ROBO1: variants seen among roughly 807,000 people sequenced by gnomAD.
The protein encoded by ROBO1 is roundabout homolog 1.
A neutral mutation model predicts 195.9 loss-of-function variants in ROBO1; 149 were observed. The ratio of observed to expected loss-of-function variants is 0.76; its 90% confidence interval spans 0.67 to 0.87. The LOEUF (loss-of-function observed/expected upper bound fraction) is 0.87, where lower values mean the gene tolerates loss of function less well. Ranked by LOEUF, ROBO1 falls within the 40% of genes least tolerant of loss-of-function variation. ROBO1 has a pLI of 0.00. For synonymous variants in ROBO1, 816 were observed against 733.2 expected, an observed-to-expected ratio of 1.11 and a Z score of -1.82; for missense variants, 1,933 against 2,068.3, an observed-to-expected ratio of 0.93 and a Z score of 1.27.
At chr3:79,215,234 T>A (rs929691030) in intron 2 of ROBO1, among the ~76,000 whole-genome samples, 2 of 152,080 alleles carry the variant, frequency 1.3e-5, no homozygotes, top group Non-Finnish European at 2.9e-5. Context: ...TAAGTCTCAG[T>A]GTTAAATCAT....
intron 8 of ROBO1, among the ~76,000 whole-genome samples, chr3:78,707,068 C>T (rs1021817950): frequency 1.5e-4 from 23 of 152,212 alleles, no homozygotes; most frequent in Admixed American, 1.4e-3. Flanking sequence ...AAACCTCTGA[C>T]AGCTGCTTCT....
chr3:79,644,877 T>G (rs1216765086), intron 1 of ROBO1, among the ~76,000 whole-genome samples: 1 of 151,802 alleles, frequency 6.6e-6, no homozygotes, highest in Non-Finnish European at 1.5e-5. Flanking sequence ...CTGACTGTAA[T>G]GAAATAAAAC....
chr3:79,461,670 T>G (rs1443293261), intron 2 of ROBO1, among the ~76,000 whole-genome samples: 1 of 152,178 alleles, frequency 6.6e-6, no homozygotes, highest in African/African-American at 2.4e-5. Flanking sequence ...GTTTGTTGCT[T>G]TCAGTCCCTA....
chr3:79,289,381 A>T (rs1576927779), intron 2 of ROBO1, among the ~76,000 whole-genome samples: 1 of 152,278 alleles, frequency 6.6e-6, no homozygotes, highest in South Asian at 2.1e-4. Flanking sequence ...TTTATGTGTG[A>T]GAGAGAGGGA....
At chr3:78,709,737 T>C (rs1159692788) in intron 8 of ROBO1, among the ~76,000 whole-genome samples, 4 of 152,136 alleles carry the variant, frequency 2.6e-5, no homozygotes, top group East Asian at 1.9e-4. Flanking sequence ...TCATGGATAA[T>C]CTTACTAGTC....
chr3:79,463,891 A>G (rs1182693781), intron 2 of ROBO1, among the ~76,000 whole-genome samples: 2 of 152,156 alleles, frequency 1.3e-5, no homozygotes, highest in African/African-American at 4.8e-5. Context: ...TCACTTTCAC[A>G]TGCTAAAATG....
intron 8 of ROBO1, among the ~76,000 whole-genome samples, chr3:78,701,262 A>T (rs2081414099): frequency 6.6e-6 from 1 of 152,236 alleles, no homozygotes; most frequent in South Asian, 2.1e-4. Flanking sequence ...ATGAACATAG[A>T]TGCATAATTA....
chr3:79,650,545 T>C (rs1439299377), intron 1 of ROBO1, among the ~76,000 whole-genome samples: 1 of 151,762 alleles, frequency 6.6e-6, no homozygotes, highest in Non-Finnish European at 1.5e-5. Flanking sequence ...TAGATATTTT[T>C]CCAGTATAAA....
intron 3 of ROBO1, among the ~76,000 whole-genome samples, chr3:79,123,733 T>C (rs2080163715): frequency 6.6e-6 from 1 of 152,032 alleles, no homozygotes; most frequent in African/African-American, 2.4e-5. Context: ...TTAAGTTAGT[T>C]CCATTATAGA....
chr3:79,609,574 C>A (rs1216708990), intron 1 of ROBO1, among the ~76,000 whole-genome samples: 1 of 151,810 alleles, frequency 6.6e-6, no homozygotes, highest in Non-Finnish European at 1.5e-5. Context: ...CAGCATTATT[C>A]ATAATATTCA....
chr3:79,019,445 C>A, intron 3 of ROBO1: 1 of 986,298 alleles, frequency 1.0e-6, no homozygotes, highest in African/African-American at 1.7e-5. Flanking sequence ...ACGCTGCCTC[C>A]TCTCCAGCTC....
rs149897105 is a variant in ROBO1, at chr3:79,453,760, T to C, written c.88+136064A>G. On this transcript the variant is annotated intron_variant, in intron 2 of 30. Transcript: ENST00000464233. ...AGATAGTCAAAGGGCCAGGCCAGAA[T>C]AGGAAACTTGGAAAAAACACTATCC... Among the ~76,000 whole-genome samples the C allele has an allele frequency of 2.0e-5, 3 of 152,096 alleles. No homozygotes were observed. In the East Asian group the frequency reaches 5.8e-4, roughly 30 times the overall value.
intron 1 of ROBO1, among the ~76,000 whole-genome samples, chr3:79,759,069 T>C (rs775105025): frequency 6.6e-6 from 1 of 150,834 alleles, no homozygotes; most frequent in Non-Finnish European, 1.5e-5. Context: ...TCTCTTAAAT[T>C]AATACCCAAT....
Position 78,924,972 on chromosome 3 carries a change from T to G in ROBO1, c.499+13629A>C, listed in dbSNP as rs562041693. ...AAAGTAGCAATTGTTTTTAAATCTA[T>G]TATTTTTTTAATTTAATATTTTAAA... is the stretch of plus-strand genomic sequence containing the variant. On this transcript the variant is annotated intron_variant, in intron 4 of 30. Transcript: ENST00000464233. 1.1e-3 allele frequency among the ~76,000 whole-genome samples: 164 copies of G among 152,072 alleles called. 2 individuals carry two copies. The highest frequency in any genetic ancestry group is 3.8e-3 in the African/African-American group (157 of 41,570).
At chr3:78,661,717 A>G (rs969702973) in intron 15 of ROBO1, among the ~76,000 whole-genome samples, 18 of 152,224 alleles carry the variant, frequency 1.2e-4, no homozygotes, top group African/African-American at 4.3e-4. Context: ...TTCATGTAAT[A>G]ATGATCCTAT....
At chr3:78,607,327 C>T in intron 28 of ROBO1, 1 of 343,140 alleles carries the variant, frequency 2.9e-6, no homozygotes, top group Non-Finnish European at 5.4e-6. Context: ...ATCCTCCCAC[C>T]TCAGCCTCCC....
At chr3:79,361,978 G>A (rs1313984614) in intron 2 of ROBO1, among the ~76,000 whole-genome samples, 2 of 152,012 alleles carry the variant, frequency 1.3e-5, no homozygotes, top group South Asian at 2.1e-4. Flanking sequence ...GGCAAAATTA[G>A]TTATCAGCTT....
At position 78,703,945 on chromosome 3, in the gene ROBO1, T is replaced by C. The variant is rs569633670; in HGVS notation, c.1045+10452A>G. 1.7e-3 allele frequency among the ~76,000 whole-genome samples: 263 copies of C among 152,188 alleles called. 2 individuals are homozygous for C. The highest frequency in any genetic ancestry group is 6.1e-3 in the African/African-American group (254 of 41,522). On this transcript the variant is annotated intron_variant, in intron 8 of 30. Transcript: ENST00000464233. ...AAGAATCATTCCCTAAAGATCCAGT[T>C]TGCTATGTCTTGTCAGAGTCTGGCA...
intron 2 of ROBO1, among the ~76,000 whole-genome samples, chr3:79,551,318 C>T (rs1042174219): frequency 2.6e-5 from 4 of 151,760 alleles, no homozygotes; most frequent in African/African-American, 7.3e-5. Flanking sequence ...GGTATATCTC[C>T]TAAAGCTATC....
Sources: allele counts gnomAD v4.1 joint callset (sites outside exome capture counted in the v4.1 genomes callset), GRCh38; gene constraint gnomAD v4.1.1; transcripts MANE v1.5; gene names NCBI Gene and HGNC (gene_info 2026-07-23, HGNC 2026-07-21).